The following MCPH1 variants were observed in gnomAD, a reference collection of about 807,000 sequenced individuals.
The protein encoded by MCPH1 is microcephalin.
MCPH1 carries 104 observed loss-of-function variants against 84.5 expected under a neutral mutation model. The ratio of observed to expected loss-of-function variants is 1.23; its 90% CI spans 1.05 to 1.45. MCPH1 has a LOEUF of 1.45. Among genes scored for constraint, MCPH1 ranks in the 40% most tolerant of loss-of-function variants. MCPH1 has a pLI of 0.00. For synonymous variants in MCPH1, 514 were observed against 366.8 expected, an observed-to-expected ratio of 1.40 and a Z score of -4.58; for missense variants, 1,498 against 1,005.7, an observed-to-expected ratio of 1.49 and a Z score of -6.62.
intron 12 of MCPH1, among the ~76,000 whole-genome samples, chr8:6,584,728 G>A (rs1827834756): frequency 6.6e-6 from 1 of 152,172 alleles, no homozygotes; most frequent in African/African-American, 2.4e-5. Context: ...ACAATAAAAT[G>A]GGCCTGTCCT....
chr8:6,545,846 A>G (rs1464984219), intron 12 of MCPH1, among the ~76,000 whole-genome samples: 1 of 152,240 alleles, frequency 6.6e-6, no homozygotes, highest in Admixed American at 6.5e-5. Flanking sequence ...AGAAAAGTGA[A>G]ATCGATTGAA....
intron 12 of MCPH1, chr8:6,527,634 G>A (rs1171758349): frequency 2.5e-6 from 4 of 1,613,928 alleles, no homozygotes; most frequent in Non-Finnish European, 3.4e-6. Flanking sequence ...GAGAGGGAGT[G>A]TTCCAAGAGC....
At chr8:6,479,645 G>GTA (rs1273686950) in intron 10 of MCPH1, among the ~76,000 whole-genome samples, 1 of 151,816 alleles carries the variant, frequency 6.6e-6, no homozygotes, top group Non-Finnish European at 1.5e-5. Flanking sequence ...CCATGTTGTT[G>GTA]TATATATCAC....
At chr8:6,628,588 G>T (rs963880406) in intron 13 of MCPH1, among the ~76,000 whole-genome samples, 2 of 151,826 alleles carry the variant, frequency 1.3e-5, no homozygotes, top group African/African-American at 4.8e-5. Context: ...AACATTTTAT[G>T]TGTATTAGAA....
chr8:6,601,379 G>A (rs770744303), intron 12 of MCPH1, among the ~76,000 whole-genome samples: 10 of 151,990 alleles, frequency 6.6e-5, no homozygotes, highest in South Asian at 2.1e-4. Context: ...CTCCTCTTCC[G>A]TCCAGCCACC....
chr8:6,492,262 G>C (rs1244584104), intron 11 of MCPH1, among the ~76,000 whole-genome samples: 1 of 152,228 alleles, frequency 6.6e-6, no homozygotes, highest in Non-Finnish European at 1.5e-5. Context: ...TCTGTTGGCT[G>C]CATAAATGTC....
chr8:6,610,306 C>CT (rs1219397028), intron 12 of MCPH1, among the ~76,000 whole-genome samples: 3 of 152,220 alleles, frequency 2.0e-5, no homozygotes, highest in African/African-American at 7.2e-5. Context: ...TAGACAAACT[C>CT]TAAGTTACAA....
intron 12 of MCPH1, among the ~76,000 whole-genome samples, chr8:6,569,534 A>T (rs2515514): frequency 0.71 from 107,285 of 152,124 alleles, 41,393 homozygotes; most frequent in East Asian, 0.88. Context: ...AAGTTACCGT[A>T]AAGACAGAAG....
intron 12 of MCPH1, chr8:6,503,279 AG>A (rs1385820082): frequency 6.2e-7 from 1 of 1,613,840 alleles, no homozygotes; most frequent in African/African-American, 1.3e-5. Flanking sequence ...AGTAAAACAC[AG>A]AAGGAATTAG....
At chr8:6,518,775 C>A (rs897170580) in intron 12 of MCPH1, among the ~76,000 whole-genome samples, 2 of 152,138 alleles carry the variant, frequency 1.3e-5, no homozygotes, top group African/African-American at 4.8e-5. Context: ...CATTTATATG[C>A]AAACATATTT....
chr8:6,479,070 G>C (rs1808843257), intron 10 of MCPH1, among the ~76,000 whole-genome samples: 2 of 152,194 alleles, frequency 1.3e-5, no homozygotes, highest in Non-Finnish European at 2.9e-5. Context: ...TTCAAGACCA[G>C]CCTGGGCAAC....
chr8:6,423,285 C>T (rs1800535102), intron 3 of MCPH1, among the ~76,000 whole-genome samples: 1 of 149,166 alleles, frequency 6.7e-6, no homozygotes, highest in South Asian at 2.1e-4. Flanking sequence ...CTGCCTCAGC[C>T]TCCTGAGTAG....
At chr8:6,536,615 T>G (rs1038201723) in intron 12 of MCPH1, among the ~76,000 whole-genome samples, 1 of 152,138 alleles carries the variant, frequency 6.6e-6, no homozygotes, top group Non-Finnish European at 1.5e-5. Context: ...CAAAGATTAG[T>G]AGTAATTTTT....
At chr8:6,452,728 G>T (rs1001207525) in intron 8 of MCPH1, among the ~76,000 whole-genome samples, 3 of 152,214 alleles carry the variant, frequency 2.0e-5, no homozygotes, top group African/African-American at 7.2e-5. Flanking sequence ...ACAGCAAGAA[G>T]GTAGCCTCCT....
chr8:6,448,538 T>C (rs1345718882), intron 8 of MCPH1, among the ~76,000 whole-genome samples: 4 of 152,202 alleles, frequency 2.6e-5, no homozygotes, highest in Non-Finnish European at 5.9e-5. Context: ...AATGTAACCA[T>C]GGTCACTGAA....
At chr8:6,493,352 A>G (rs12681009) in intron 11 of MCPH1, among the ~76,000 whole-genome samples, 20,110 of 152,266 alleles carry the variant, frequency 0.13, 1,525 homozygotes, top group Middle Eastern at 0.27. Context: ...TTTGTGTTCA[A>G]TTGAGGTGAG....
intron 12 of MCPH1, among the ~76,000 whole-genome samples, chr8:6,580,049 C>T (rs563342810): frequency 6.6e-6 from 1 of 152,338 alleles, no homozygotes; most frequent in South Asian, 2.1e-4. Flanking sequence ...GTCAGCCCAG[C>T]TCTCATTGAC....
At chr8:6,507,733 C>G (rs1456817024) in intron 12 of MCPH1, 3 of 151,966 alleles carry the variant, frequency 2.0e-5, no homozygotes, top group Non-Finnish European at 2.9e-5. Context: ...CAGGTGCCAG[C>G]CACCATGCCC....
chr8:6,471,159 A>G lies in MCPH1; in HGVS notation c.1936-6435A>G, dbSNP rs1202906806. Among the ~76,000 whole-genome samples, 3 of 152,182 alleles carry G rather than the reference A, an allele frequency of 2.0e-5. No individual in the cohort carries two copies. The East Asian group carries it at 5.8e-4, about 29-fold the overall frequency. On this transcript the variant is annotated intron_variant, in intron 9 of 13. Transcript: ENST00000344683. ...CCTTCCTTGCTCACCTGTAAGGCTGAGAACACCGTAAGCAAAGTACCAGGC... is the reference window on the plus strand; with the variant it reads ...CCTTCCTTGCTCACCTGTAAGGCTGGGAACACCGTAAGCAAAGTACCAGGC...
Sources: allele counts gnomAD v4.1 joint callset (sites outside exome capture counted in the v4.1 genomes callset), GRCh38; gene constraint gnomAD v4.1.1; transcripts MANE v1.5; gene names NCBI Gene and HGNC (gene_info 2026-07-23, HGNC 2026-07-21).